Variants in HEATR3 observed in about 807,000 individuals in gnomAD.
The protein encoded by HEATR3 is HEAT repeat-containing protein 3.
A neutral mutation model predicts 72.8 loss-of-function variants in HEATR3; 56 were observed. That is an observed-to-expected ratio of 0.77 (90% CI 0.62 to 0.96). The LOEUF (loss-of-function observed/expected upper bound fraction) is 0.96. Among genes scored for constraint, HEATR3 ranks in the 40% least tolerant of loss-of-function variants. The pLI, the probability that HEATR3 is intolerant of heterozygous loss-of-function variation, is 0.00. For missense variants in HEATR3, 747 were observed against 831.4 expected (o/e 0.90, Z 1.25); for synonymous variants, 331 against 318.1 (o/e 1.04, Z -0.43).
At chr16:50,092,582 G>A (rs565845499) in intron 11 of HEATR3, among the ~76,000 whole-genome samples, 16 of 151,370 alleles carry the variant, frequency 1.1e-4, no homozygotes, top group African/African-American at 3.4e-4. Context: ...GACTACAGGC[G>A]CCCGCCACCA....
chr16:50,078,205 C>T (rs1006807697), intron 6 of HEATR3, among the ~76,000 whole-genome samples: 1 of 152,026 alleles, frequency 6.6e-6, no homozygotes, highest in African/African-American at 2.4e-5. Context: ...CAAGTCCCTG[C>T]TTTCAGTTCT....
At position 50,068,798 on chromosome 16, in the gene HEATR3, A is replaced by C; in HGVS notation, c.330A>C (p.Gly110=). The change falls in exon 3 of 15, where the codon GGA becomes GGC. Residue 110 remains glycine (G), a synonymous_variant. Coordinates refer to ENST00000299192, the MANE Select transcript of HEATR3 (RefSeq NM_182922.4). ...TGTGTAGAAATCTCAGTGCTTGTGGAGGTTTTGAAGTTTGTGATGACATGG... is the reference window on the plus strand; with the variant it reads ...TGTGTAGAAATCTCAGTGCTTGTGGCGGTTTTGAAGTTTGTGATGACATGG... ...AGALRNLSAC[G]GFEVCDDMVT... is the part of the protein sequence containing the mutation. The C allele has an allele frequency of 1.2e-6, 2 of 1,613,458 alleles. No homozygotes were observed. The highest frequency in any genetic ancestry group is 1.7e-6 in the Non-Finnish European group (2 of 1,179,632).
At chr16:50,086,079 C>A in intron 10 of HEATR3, 136 bp from the exon 11 acceptor site, 1 of 773,374 alleles carries the variant, frequency 1.3e-6, no homozygotes, top group Non-Finnish European at 2.0e-6. Context: ...CCTTGTGATT[C>A]TTTGCTAACT....
Position 50,078,876 on chromosome 16 carries a change from C to T in HEATR3, c.899C>T (p.Thr300Met), listed in dbSNP as rs755552005. 9.3e-6 allele frequency: 15 copies of T among 1,613,760 alleles called. No homozygotes were observed. The highest frequency in any genetic ancestry group is 8.9e-5 in the East Asian group (4 of 44,866). ...GTTATTCAAATGAAAGAGGCTGAAA[C>T]GCAAAGGTTAAAAACTGCTGCAGAG... The part of the protein sequence containing the change: ...EMVIQMKEAE[T>M]QRLKTAAEAE... Residue 300 changes from threonine to methionine, a missense_variant, in exon 7 of 15, where the codon ACG becomes ATG. Coordinates refer to ENST00000299192, the MANE Select transcript of HEATR3 (RefSeq NM_182922.4).
intron 12 of HEATR3, among the ~76,000 whole-genome samples, chr16:50,095,405 CTTTTTTTT>C (rs60357183): frequency 7.3e-6 from 1 of 136,128 alleles, no homozygotes; most frequent in Admixed American, 7.5e-5. Context: ...CCGTACCCAG[CTTTTTTTT>C]TTTTTTTTTT....
intron 5 of HEATR3, chr16:50,073,039 A>C (rs552976784): frequency 3.9e-6 from 1 of 258,240 alleles, no homozygotes; most frequent in East Asian, 1.2e-4. Context: ...GTAACGCACA[A>C]CTACCAGGCC....
In HEATR3 at chr16:50,079,571, G is replaced by A. The variant is rs546689669; in HGVS notation, c.1041+553G>A. 2.0e-5 allele frequency among the ~76,000 whole-genome samples: 3 copies of A among 152,210 alleles called. No individual in the cohort carries two copies. The South Asian group carries it at 6.2e-4, about 32-fold the overall frequency. Reference sequence around the variant, plus strand: ...TGGTGGTGTGATATTGCAGTAAAGGGGAACAATCTTGGGTGCAGGAAGCAT... The same window carrying A: ...TGGTGGTGTGATATTGCAGTAAAGGAGAACAATCTTGGGTGCAGGAAGCAT... On this transcript the variant is annotated intron_variant, in intron 7 of 14. Coordinates refer to ENST00000299192, the MANE Select transcript of HEATR3 (RefSeq NM_182922.4).
chr16:50,069,762 G>C (rs1016693184), intron 3 of HEATR3, among the ~76,000 whole-genome samples: 2 of 152,200 alleles, frequency 1.3e-5, no homozygotes, highest in African/African-American at 4.8e-5. Context: ...CTGAATCCCA[G>C]CTTCACCACA....
In HEATR3 at chr16:50,086,251, C is replaced by G; in HGVS notation, c.1410C>G (p.Leu470=). The G allele has an allele frequency of 1.3e-6, 2 of 1,580,986 alleles. No individual in the cohort carries two copies. Among genetic ancestry groups the G allele is most frequent in the Non-Finnish European group, 1.7e-6 (2 of 1,162,040 alleles). ...TTCAGTGCAGAGCCCTCTTCTGTCT[C>G]CAGAGTCTTGTGTCCCTCCTGGATG... ...NTIQCRALFC[L]QSLVSLLDVE... is the part of the protein sequence containing the mutation. Residue 470 remains leucine (L), a synonymous_variant, in exon 11 of 15, where the codon CTC becomes CTG. Transcript: ENST00000299192.
In HEATR3 at chr16:50,074,730, C is replaced by T. The variant is rs563165065; in HGVS notation, c.623-841C>T. 4.6e-5 allele frequency: 7 copies of T among 152,280 alleles called. No individual in the cohort carries two copies. In the East Asian group the frequency reaches 5.9e-4, roughly 13 times the overall value. 9.4% of individuals were successfully genotyped at this position (152,280 alleles called of 1,614,324 possible). A position where few individuals can be genotyped will look rare whatever the true frequency, so the allele number is the denominator to read the frequency against. ...GGGCGTGGTAGCTCACACCTGTAAT[C>T]CCAGCACTTTGGGAGGCTGAGGCGG... On this transcript the variant is annotated intron_variant, in intron 5 of 14. Transcript: ENST00000299192.
intron 14 of HEATR3, among the ~76,000 whole-genome samples, 182 bp from the exon 15 acceptor site, chr16:50,104,757 C>CATTCTCAGTTT (rs1464562544): frequency 5.3e-5 from 8 of 152,156 alleles, no homozygotes; most frequent in African/African-American, 1.9e-4. Context: ...TAATAATGCA[C>CATTCTCAGTTT]ATTCTCAGTT....
chr16:50,084,312 G>T, intron 9 of HEATR3, 21 bp downstream of exon 9: 1 of 1,608,186 alleles, frequency 6.2e-7, no homozygotes, highest in Non-Finnish European at 8.5e-7. Flanking sequence ...TTCATTCTAG[G>T]CTTACCGTGG....
chr16:50,073,339 T>C (rs1209605506), intron 5 of HEATR3: 2 of 152,318 alleles, frequency 1.3e-5, no homozygotes, highest in Non-Finnish European at 2.9e-5. Context: ...AGCAGAATTC[T>C]GGGTGGGAGT....
chr16:50,092,772 A>T (rs953102326), intron 11 of HEATR3, among the ~76,000 whole-genome samples: 7 of 152,086 alleles, frequency 4.6e-5, no homozygotes, highest in Non-Finnish European at 7.4e-5. Context: ...GTATTTATTG[A>T]ATGCTTTATG....
intron 7 of HEATR3, among the ~76,000 whole-genome samples, chr16:50,083,351 A>G (rs923774017): frequency 1.3e-5 from 2 of 152,148 alleles, no homozygotes; most frequent in Non-Finnish European, 2.9e-5. Flanking sequence ...ATATATTTTC[A>G]GAGAAAAAAA....
intron 11 of HEATR3, 77 bp from the exon 12 acceptor site, chr16:50,094,628 T>C: frequency 2.5e-6 from 2 of 785,990 alleles, no homozygotes; most frequent in Non-Finnish European, 4.1e-6. Context: ...TTTAGCATGC[T>C]TTGTTTTGTT....
chr16:50,093,148 A>G (rs2037156971), intron 11 of HEATR3, among the ~76,000 whole-genome samples: 1 of 152,164 alleles, frequency 6.6e-6, no homozygotes, highest in Non-Finnish European at 1.5e-5. Context: ...AAAAAATACA[A>G]TCAGCCGGGA....
At chr16:50,071,618 A>G (rs528935239) in intron 4 of HEATR3, among the ~76,000 whole-genome samples, 53 of 152,308 alleles carry the variant, frequency 3.5e-4, no homozygotes, top group South Asian at 2.3e-3. Flanking sequence ...TTATATTTCA[A>G]ATTATCTTTA....
At chr16:50,067,361 A>T (rs1173596562) in intron 2 of HEATR3, among the ~76,000 whole-genome samples, 5 of 152,076 alleles carry the variant, frequency 3.3e-5, no homozygotes. Context: ...TCTCAAAAAA[A>T]AAAAAAGGTG....
Sources: gnomAD v4.1 joint callset for allele counts (sites outside exome capture counted in the v4.1 genomes callset) on GRCh38, gnomAD v4.1.1 for gene constraint, MANE v1.5 for transcripts, NCBI Gene and HGNC (gene_info 2026-07-23, HGNC 2026-07-21) for gene names.